Variants in SLC52A3 observed in about 807,000 individuals in gnomAD.
The protein encoded by SLC52A3 is solute carrier family 52 member 3.
SLC52A3 carries 20 observed loss-of-function variants against 29.5 expected under a neutral mutation model. The ratio of observed to expected loss-of-function variants is 0.68; its 90% CI spans 0.48 to 0.99. SLC52A3 has a LOEUF of 0.99. Among genes scored for constraint, SLC52A3 ranks in the 50% least tolerant of loss-of-function variants. SLC52A3 has a pLI of 0.00. For synonymous variants in SLC52A3, 301 were observed against 271.0 expected (o/e 1.11, Z -1.09); for missense variants, 548 against 612.9 (o/e 0.89, Z 1.12).
Position 765,810 on chromosome 20 carries a change from TCAGCCTG to T in SLC52A3, c.-43_-37del, listed in dbSNP as rs1986669221. The T allele has an allele frequency of 3.8e-6, 6 of 1,598,858 alleles. No individual in the cohort carries two copies. The highest frequency in any genetic ancestry group is 5.1e-6 in the Non-Finnish European group (6 of 1,172,080). ...GCCCTGGGCCAGAGGCTTTCTCAGA[TCAGCCTG>T]CAGCGGGGCTGGCAGAGAAGGACAC... On this transcript the variant is annotated 5_prime_UTR_variant, in exon 2 of 5. Coordinates refer to ENST00000645534, the MANE Select transcript of SLC52A3 (RefSeq NM_033409.4). This position sits in a 1 kb window ranked among gnomAD's most constrained non-coding sequence, Gnocchi z 6.6.
chr20:779,858 G>A (rs1010857338), upstream of SLC52A3, among the ~76,000 whole-genome samples: 1 of 152,198 alleles, frequency 6.6e-6, no homozygotes, highest in Non-Finnish European at 1.5e-5. Context: ...AGTTAACAGT[G>A]TAACATGTAT....
At chr20:777,381 T>C (rs1453683072), upstream of SLC52A3, among the ~76,000 whole-genome samples, 1 of 152,066 alleles carries the variant, frequency 6.6e-6, no homozygotes, top group African/African-American at 2.4e-5. Context: ...TCCAGAATAA[T>C]GGCTGGCAAT....
chr20:767,012 T>C (rs1005033278), intron 1 of SLC52A3, among the ~76,000 whole-genome samples: 3 of 149,744 alleles, frequency 2.0e-5, no homozygotes, highest in Non-Finnish European at 4.5e-5. Context: ...TTCAAGGTTA[T>C]TATAGATTGC....
At chr20:777,272 C>CAAACAAA (rs1555785013), upstream of SLC52A3, among the ~76,000 whole-genome samples, 52 of 148,012 alleles carry the variant, frequency 3.5e-4, no homozygotes, top group African/African-American at 1.3e-3. Flanking sequence ...AAACAAAAAA[C>CAAACAAA]AAAAAAAAAA....
At chr20:762,562 A>T (rs532791153) in intron 3 of SLC52A3, among the ~76,000 whole-genome samples, 1 of 152,234 alleles carries the variant, frequency 6.6e-6, no homozygotes, top group East Asian at 1.9e-4. Flanking sequence ...AGGTCTGCCT[A>T]TACCCTTAAA....
intron 4 of SLC52A3, 122 bp downstream of exon 4, chr20:761,579 G>A (rs1986481182): frequency 4.1e-6 from 6 of 1,470,380 alleles, no homozygotes; most frequent in Non-Finnish European, 5.6e-6. Context: ...CCCCCACCTG[G>A]GGCTTCCCGG....
chr20:774,302 C>T (rs1008819679), intron 1 of SLC52A3, among the ~76,000 whole-genome samples: 4 of 152,212 alleles, frequency 2.6e-5, no homozygotes, highest in African/African-American at 9.6e-5. Flanking sequence ...GGATACATCT[C>T]ACTCCTGGGC....
intron 2 of SLC52A3, 46 bp from the exon 3 acceptor site, chr20:764,049 T>C (rs1292105384): frequency 1.1e-4 from 170 of 1,496,942 alleles, no homozygotes; most frequent in Non-Finnish European, 1.5e-4. Flanking sequence ...GGGATCAGGC[T>C]GCAGAACAAC....
chr20:776,859 G>A (rs1023192357), upstream of SLC52A3, among the ~76,000 whole-genome samples: 2 of 134,502 alleles, frequency 1.5e-5, no homozygotes, highest in South Asian at 2.2e-4. Flanking sequence ...TCGCTTTTGG[G>A]GGGGGGGCCA....
At position 765,550 on chromosome 20, in the gene SLC52A3, G is replaced by T. The variant is rs1215834750; in HGVS notation, c.225C>A (p.Ile75=). 6.3e-7 allele frequency: 1 copy of T among 1,577,776 alleles called. No homozygotes were observed. Among genetic ancestry groups the T allele is most frequent in the Middle Eastern group, 1.7e-4 (1 of 6,016 alleles). The part of the protein sequence containing the change: ...RPSCLSEVPI[I]FTLLGVGTVT... ...CGGTTCCCACGCCCAGCAGGGTGAA[G>T]ATGATGGGCACTTCGGAAAGGCAGC... is the stretch of plus-strand genomic sequence containing the variant. Residue 75 remains isoleucine (I), a synonymous_variant, in exon 2 of 5, where the codon ATC becomes ATA. Transcript: ENST00000645534. The surrounding 1 kb of genome is among the most constrained non-coding windows in gnomAD (Gnocchi z 6.6).
At chr20:774,189 G>T (rs1311571518) in intron 1 of SLC52A3, among the ~76,000 whole-genome samples, 1 of 152,234 alleles carries the variant, frequency 6.6e-6, no homozygotes, top group Non-Finnish European at 1.5e-5. Flanking sequence ...CAGCTGGTAG[G>T]CACCTAGCCC....
chr20:765,442 G>A lies in SLC52A3; in HGVS notation c.333C>T (p.Leu111=), dbSNP rs776636442. Residue 111 remains leucine (L), a synonymous_variant, in exon 2 of 5, where the codon CTC becomes CTT. Transcript: ENST00000645534. This position sits in a 1 kb window ranked among gnomAD's most constrained non-coding sequence, Gnocchi z 6.6. ...AGTCCACCAGGGCCAGGAAGAAGGT[G>A]AGGACCAAGAAGGCGATGCTGTGGT... The part of the protein sequence containing the change: ...DGHHSIAFLV[L]TFFLALVDCT... The A allele has an allele frequency of 1.9e-6, 3 of 1,612,724 alleles. No individual in the cohort carries two copies. Among genetic ancestry groups the A allele is most frequent in the Non-Finnish European group, 2.5e-6 (3 of 1,179,300 alleles).
intron 1 of SLC52A3, among the ~76,000 whole-genome samples, chr20:774,476 C>G (rs985942894): frequency 6.6e-6 from 1 of 152,048 alleles, no homozygotes; most frequent in African/African-American, 2.4e-5. Context: ...ACCACAAAAC[C>G]CACAGGGAGA....
At chr20:776,921 T>C (rs1201365649), upstream of SLC52A3, among the ~76,000 whole-genome samples, 1 of 150,038 alleles carries the variant, frequency 6.7e-6, no homozygotes, top group African/African-American at 2.5e-5. Context: ...GGTGGAGCCA[T>C]GGGTGTCAAA....
chr20:771,145 T>A (rs772540318), upstream of SLC52A3, among the ~76,000 whole-genome samples: 2 of 152,220 alleles, frequency 1.3e-5, no homozygotes, highest in Non-Finnish European at 2.9e-5. Flanking sequence ...AGAGGCTGGG[T>A]GCAGTGGCTC....
chr20:763,394 T>A (rs1986552655), intron 3 of SLC52A3, 104 bp downstream of exon 3: 1 of 1,496,246 alleles, frequency 6.7e-7, no homozygotes, highest in African/African-American at 1.4e-5. Context: ...CCCAAACATG[T>A]TCTTAACCAC....
At chr20:766,887 A>G (rs1986704581) in intron 1 of SLC52A3, among the ~76,000 whole-genome samples, 1 of 152,264 alleles carries the variant, frequency 6.6e-6, no homozygotes, top group Non-Finnish European at 1.5e-5. Flanking sequence ...AGAAAAAGGT[A>G]CAAATAAGCT....
upstream of SLC52A3, among the ~76,000 whole-genome samples, chr20:776,685 A>G (rs1442576325): frequency 6.6e-6 from 1 of 152,130 alleles, no homozygotes; most frequent in African/African-American, 2.4e-5. Context: ...CCACAGGGGA[A>G]ATGAGTTTGT....
Position 765,165 on chromosome 20 carries a change from G to A in SLC52A3, c.567+43C>T, listed in dbSNP as rs1312697188. The A allele has an allele frequency of 1.2e-6, 2 of 1,610,506 alleles. No individual in the cohort carries two copies. The highest frequency in any genetic ancestry group is 2.7e-5 in the African/African-American group (2 of 74,852). On this transcript the variant is annotated intron_variant, in intron 2 of 4. Transcript: ENST00000645534. The surrounding 1 kb of genome is among the most constrained non-coding windows in gnomAD (Gnocchi z 6.6). ...CAGTTTTTCCCTCCCCTACATTTGT[G>A]ATAAAGCCAAGTGCTGAGATGGCTC... is the stretch of plus-strand genomic sequence containing the variant.
Sources: gnomAD v4.1 joint callset for allele counts (sites outside exome capture counted in the v4.1 genomes callset) on GRCh38, gnomAD v4.1.1 for gene constraint, Gnocchi (gnomAD v3.1) non-coding constraint, MANE v1.5 for transcripts, NCBI Gene and HGNC (gene_info 2026-07-23, HGNC 2026-07-21) for gene names.